The following GOSR2 variants were observed in gnomAD, a reference collection of about 807,000 sequenced individuals.
The protein encoded by GOSR2 is golgi SNAP receptor complex member 2.
In GOSR2, 20 loss-of-function variants were observed where a neutral mutation model predicts 27.9. That is an observed-to-expected ratio of 0.72 (90% CI 0.50 to 1.04). The LOEUF is 1.04. Ranked by LOEUF, GOSR2 falls within the 50% of genes least tolerant of loss-of-function variation. GOSR2 has a pLI of 0.00. For missense variants in GOSR2, 261 were observed against 270.5 expected, an observed-to-expected ratio of 0.97 and a Z score of 0.25; for synonymous variants, 91 against 98.8, an observed-to-expected ratio of 0.92 and a Z score of 0.47.
chr17:46,949,132 A>T (rs1227751884), intron 6 of GOSR2: 4 of 152,236 alleles, frequency 2.6e-5, no homozygotes, highest in Non-Finnish European at 4.4e-5. Flanking sequence ...CGTGGCTGGG[A>T]TAGCTGTCTC....
At chr17:46,946,728 TG>T (rs2089932373), downstream of GOSR2, among the ~76,000 whole-genome samples, 1 of 151,950 alleles carries the variant, frequency 6.6e-6, no homozygotes. Flanking sequence ...CCAGGCAAGT[TG>T]GTGTGCGCCT....
downstream of GOSR2, among the ~76,000 whole-genome samples, chr17:46,944,781 G>A (rs2089692626): frequency 6.6e-6 from 1 of 151,904 alleles, no homozygotes; most frequent in Non-Finnish European, 1.5e-5. Context: ...TGTATTTTTA[G>A]TAGAAACGGG....
At chr17:46,946,916 A>T (rs1403398257), downstream of GOSR2, among the ~76,000 whole-genome samples, 1 of 152,212 alleles carries the variant, frequency 6.6e-6, no homozygotes. Flanking sequence ...TCAAGTGCCA[A>T]GCAAGTGGGG....
In GOSR2 at chr17:46,938,997, C is replaced by T. The variant is rs2088871406; in HGVS notation, c.*237C>T. The T allele has an allele frequency of 7.3e-7, 1 of 1,370,406 alleles. No homozygotes were observed. The highest frequency in any genetic ancestry group is 2.5e-5 in the Admixed American group (1 of 40,142). The allele number at this position is 1,370,406 out of a possible 1,614,324, so 84.9% of individuals were successfully genotyped here. On this transcript the variant is annotated 3_prime_UTR_variant, in exon 6 of 6. Transcript: ENST00000640051. ...TTAGGAAATGAAAGAAGTCCCGGGT[C>T]TGTCTCTCTCACTCTCGCTCTCACT...
intron 5 of GOSR2, chr17:46,937,100 T>C (rs2147018327): frequency 6.6e-6 from 1 of 152,442 alleles, no homozygotes; most frequent in South Asian, 2.1e-4. Flanking sequence ...AAATTGAATG[T>C]GCTTTAAGCT....
In GOSR2 at chr17:46,939,872, G is replaced by T; in HGVS notation, c.*1112G>T. ...CAATCTGTCCTGAAGTCCATCTAAT[G>T]TGGTGAATCACTGAAAGTCTCAGAA... On this transcript the variant is annotated 3_prime_UTR_variant, in exon 6 of 6. Coordinates refer to ENST00000640051, the MANE Select transcript of GOSR2 (RefSeq NM_004287.5). The T allele has an allele frequency of 1.0e-6, 1 of 994,220 alleles. No homozygotes were observed. The highest frequency in any genetic ancestry group is 1.7e-5 in the African/African-American group (1 of 57,394). The allele number at this position is 994,220 out of a possible 1,614,324, so 61.6% of individuals were successfully genotyped here.
chr17:46,956,608 A>G (rs966210515), intron 6 of GOSR2, among the ~76,000 whole-genome samples: 2 of 152,090 alleles, frequency 1.3e-5, no homozygotes, highest in African/African-American at 4.8e-5. Context: ...AGCCCTTGCC[A>G]GTGTTTCTTA....
At chr17:46,945,537 T>C (rs1257065074), downstream of GOSR2, among the ~76,000 whole-genome samples, 1 of 152,196 alleles carries the variant, frequency 6.6e-6, no homozygotes, top group Non-Finnish European at 1.5e-5. Context: ...GTTTCCTGTC[T>C]GTATTCAGCT....
chr17:46,965,236 C>T lies in GOSR2; in HGVS notation c.584-1298C>T, dbSNP rs577657323. 6.6e-5 allele frequency among the ~76,000 whole-genome samples: 10 copies of T among 152,356 alleles called. No individual in the cohort carries two copies. The South Asian group carries it at 1.5e-3, about 22-fold the overall frequency. ...CTGCCTTCTCACTGCAATTGCAAAC[C>T]TGTCCCAGTCTTTACAGCTAGTGCA... On this transcript the variant is annotated intron_variant, in intron 6 of 6. Coordinates refer to the GOSR2 transcript ENST00000573224.
intron 5 of GOSR2, chr17:46,935,508 T>A: frequency 1.5e-6 from 2 of 1,314,124 alleles, no homozygotes; most frequent in Non-Finnish European, 1.9e-6. Flanking sequence ...CTTGGAAGAA[T>A]GAAGACGTGG....
At chr17:46,943,154 C>G (rs550960197), downstream of GOSR2, among the ~76,000 whole-genome samples, 162 of 152,298 alleles carry the variant, frequency 1.1e-3, no homozygotes, top group African/African-American at 3.8e-3. Context: ...TAGCCCGTCC[C>G]CCATGCACTT....
chr17:46,933,213 G>A (rs2087675422), intron 4 of GOSR2: 1 of 152,206 alleles, frequency 6.6e-6, no homozygotes, highest in African/African-American at 2.4e-5. Flanking sequence ...TGCCAGCCTG[G>A]CGTGATGCTG....
In GOSR2 at chr17:46,961,940, A is replaced by G. The variant is rs532516552; in HGVS notation, c.584-4594A>G. Among the ~76,000 whole-genome samples the G allele has an allele frequency of 6.2e-4, 95 of 152,224 alleles. 1 individual carries two copies. The highest frequency in any genetic ancestry group is 1.0e-3 in the Non-Finnish European group (69 of 68,046). On this transcript the variant is annotated intron_variant, in intron 6 of 6. Transcript: ENST00000573224. Reference sequence around the variant, plus strand: ...CTGACCAATGATTCCAAATCATTTTATTTAATCAACAAATACTTGTTCAAA... The same window carrying G: ...CTGACCAATGATTCCAAATCATTTTGTTTAATCAACAAATACTTGTTCAAA...
chr17:46,971,639 T>C (rs1420584358), downstream of GOSR2, among the ~76,000 whole-genome samples: 1 of 152,156 alleles, frequency 6.6e-6, no homozygotes, highest in Non-Finnish European at 1.5e-5. Context: ...AGAGCTCAGC[T>C]AGAGTACCTC....
downstream of GOSR2, among the ~76,000 whole-genome samples, chr17:46,946,812 G>A (rs540831352): frequency 3.9e-5 from 6 of 152,220 alleles, no homozygotes; most frequent in Non-Finnish European, 7.3e-5. Context: ...GCAGTGAGCC[G>A]ACATTGTGCC....
intron 6 of GOSR2, among the ~76,000 whole-genome samples, chr17:46,965,309 C>G (rs927445027): frequency 1.2e-4 from 19 of 152,176 alleles, no homozygotes; most frequent in African/African-American, 4.6e-4. Flanking sequence ...CTGCATCCTC[C>G]CTGGTGCCCT....
intron 6 of GOSR2, among the ~76,000 whole-genome samples, chr17:46,966,060 C>G (rs977560704): frequency 6.6e-6 from 1 of 152,158 alleles, no homozygotes; most frequent in African/African-American, 2.4e-5. Flanking sequence ...ATCTACTAAT[C>G]TACTTATAAT....
chr17:46,942,039 T>C, downstream of GOSR2: 1 of 763,042 alleles, frequency 1.3e-6, no homozygotes, highest in Non-Finnish European at 1.6e-6. Context: ...CAAAAAAGAT[T>C]TGAGGAGACT....
chr17:46,937,858 T>A (rs1171053020), intron 5 of GOSR2: 2 of 152,642 alleles, frequency 1.3e-5, no homozygotes, highest in Non-Finnish European at 2.9e-5. Flanking sequence ...ACCATTGTTT[T>A]CAGTATGTAT....
Sources: allele counts gnomAD v4.1 joint callset (sites outside exome capture counted in the v4.1 genomes callset), GRCh38; gene constraint gnomAD v4.1.1; transcripts MANE v1.5; gene names NCBI Gene and HGNC (gene_info 2026-07-23, HGNC 2026-07-21).